DIP2C: variants seen among roughly 807,000 people sequenced by gnomAD.
DIP2C encodes the protein DIP2 acetate--CoA ligase C (putative).
DIP2C carries 33 observed loss-of-function variants against 192.4 expected under a neutral mutation model. The ratio of observed to expected loss-of-function variants is 0.17; its 90% CI spans 0.13 to 0.23. The LOEUF (loss-of-function observed/expected upper bound fraction) is 0.23. Among genes scored for constraint, DIP2C ranks in the 10% least tolerant of loss-of-function variants. DIP2C has a pLI of 1.00. For synonymous variants in DIP2C, 979 were observed against 864.1 expected, an observed-to-expected ratio of 1.13 and a Z score of -2.33; for missense variants, 1,537 against 2,110.1, an observed-to-expected ratio of 0.73 and a Z score of 5.32.
chr10:297,512 T>TC (rs1279716141), intron 32 of DIP2C, among the ~76,000 whole-genome samples: 1 of 152,166 alleles, frequency 6.6e-6, no homozygotes, highest in African/African-American at 2.4e-5. Context: ...TGAAATCCTG[T>TC]CATCTGCAGC....
chr10:631,368 C>G (rs1428296249), intron 1 of DIP2C: 1 of 152,264 alleles, frequency 6.6e-6, no homozygotes, highest in South Asian at 2.1e-4. Context: ...CTTCCGTCAG[C>G]CCCTGGGGGG....
intron 1 of DIP2C, among the ~76,000 whole-genome samples, chr10:528,757 A>G (rs1331390202): frequency 6.6e-6 from 1 of 152,122 alleles, no homozygotes; most frequent in Non-Finnish European, 1.5e-5. Context: ...GGAGCTTGCA[A>G]AGTACCACTG....
intron 31 of DIP2C, among the ~76,000 whole-genome samples, chr10:321,576 G>C (rs1033912561): frequency 9.6e-5 from 12 of 125,328 alleles, no homozygotes; most frequent in Admixed American, 3.3e-4. Flanking sequence ...GTCAGTCGGG[G>C]GTGCGGGGCT....
chr10:615,545 A>T (rs1853408620), intron 1 of DIP2C, among the ~76,000 whole-genome samples: 1 of 150,800 alleles, frequency 6.6e-6, no homozygotes, highest in Admixed American at 6.6e-5. Context: ...TTAGGGTCAG[A>T]GTCATCAAAT....
chr10:450,703 C>T (rs1294406314), intron 3 of DIP2C, among the ~76,000 whole-genome samples: 2 of 152,126 alleles, frequency 1.3e-5, no homozygotes, highest in African/African-American at 4.8e-5. Context: ...ACAGGCCAAC[C>T]AACAGCCTTG....
At chr10:603,298 C>CAAAAAAAAAAAAAAAAAAAAAAAA (rs71376842) in intron 1 of DIP2C, among the ~76,000 whole-genome samples, 2 of 45,880 alleles carry the variant, frequency 4.4e-5, no homozygotes, top group African/African-American at 2.5e-4. Context: ...GACTCCATCT[C>CAAAAAAAAAAAAAAAAAAAAAAAA]AAAAAAAAAA....
At chr10:604,929 AC>A (rs1852357038) in intron 1 of DIP2C, among the ~76,000 whole-genome samples, 1 of 152,178 alleles carries the variant, frequency 6.6e-6, no homozygotes, top group Non-Finnish European at 1.5e-5. Context: ...CTTCCCACAC[AC>A]CAGCCTCTGA....
At chr10:583,554 A>G (rs1407653242) in intron 1 of DIP2C, among the ~76,000 whole-genome samples, 1 of 152,236 alleles carries the variant, frequency 6.6e-6, no homozygotes, top group African/African-American at 2.4e-5. Flanking sequence ...CTGAAAGCAC[A>G]CAGGTCAGGG....
chr10:355,443 G>A (rs930640855), intron 24 of DIP2C, among the ~76,000 whole-genome samples: 7 of 152,170 alleles, frequency 4.6e-5, no homozygotes, highest in African/African-American at 7.2e-5. Context: ...CTGCTGCTTC[G>A]CACACTAAGA....
intron 1 of DIP2C, among the ~76,000 whole-genome samples, chr10:565,116 C>A (rs1465678757): frequency 6.6e-6 from 1 of 152,122 alleles, no homozygotes; most frequent in African/African-American, 2.4e-5. Context: ...GGTTAGGAAG[C>A]TTTCCATGGA....
intron 1 of DIP2C, among the ~76,000 whole-genome samples, chr10:545,720 C>A (rs1451012662): frequency 6.6e-6 from 1 of 152,344 alleles, no homozygotes; most frequent in East Asian, 1.9e-4. Flanking sequence ...AGTATCGACT[C>A]TTACACTGGA....
chr10:545,726 C>T (rs1383028146), intron 1 of DIP2C, among the ~76,000 whole-genome samples: 3 of 152,236 alleles, frequency 2.0e-5, no homozygotes, highest in African/African-American at 7.2e-5. Context: ...GACTCTTACA[C>T]TGGATCCATT....
intron 5 of DIP2C, among the ~76,000 whole-genome samples, chr10:420,186 C>T (rs1357264032): frequency 2.6e-5 from 4 of 152,336 alleles, no homozygotes; most frequent in Admixed American, 1.3e-4. Context: ...GCACCGTGCC[C>T]GGAGGCCGTC....
At chr10:641,327 G>C (rs1855185802) in intron 1 of DIP2C, among the ~76,000 whole-genome samples, 2 of 152,234 alleles carry the variant, frequency 1.3e-5, no homozygotes, top group South Asian at 4.2e-4. Context: ...ACCTCGGCTG[G>C]GTCACCAACC....
intron 1 of DIP2C, among the ~76,000 whole-genome samples, chr10:669,877 C>G (rs1857335630): frequency 6.6e-6 from 1 of 152,198 alleles, no homozygotes; most frequent in Non-Finnish European, 1.5e-5. Flanking sequence ...AATGTAAACA[C>G]ACAGTACAGA....
At chr10:414,740 T>TGTGTGTG (rs1564679970) in intron 7 of DIP2C, among the ~76,000 whole-genome samples, 17 of 44,618 alleles carry the variant, frequency 3.8e-4, no homozygotes, top group Non-Finnish European at 8.7e-4. Flanking sequence ...TGTGTGTGTG[T>TGTGTGTG]ACATATATAT....
rs150029893 is a variant in DIP2C, at chr10:421,950, G to T, written c.604+874C>A. Among the ~76,000 whole-genome samples the T allele has an allele frequency of 1.0e-3, 153 of 152,306 alleles. 1 individual carries two copies. Among genetic ancestry groups the T allele is most frequent in the African/African-American group, 3.4e-3 (141 of 41,548 alleles). On this transcript the variant is annotated intron_variant, in intron 5 of 36. Transcript: ENST00000280886. ...ATCCAAAACGCCTCTGAGCGTAAAG[G>T]AGTCAGTGATCTAGAAGTGAACATT...
At position 522,818 on chromosome 10, in the gene DIP2C, C is replaced by T. The variant is rs1238587792; in HGVS notation, c.86-36288G>A. Among the ~76,000 whole-genome samples, 5 of 152,252 alleles carry T rather than the reference C, an allele frequency of 3.3e-5. No individual in the cohort carries two copies. The East Asian group carries it at 9.6e-4, about 29-fold the overall frequency. ...CCTTTTGTAGATACGTTCTCCCCGT[C>T]TGCGTGGCCCACAAGCTCGTTTCTA... On this transcript the variant is annotated intron_variant, in intron 1 of 36. Transcript: ENST00000280886.
rs1955264623 is a variant in DIP2C, at chr10:288,353, A to T, written c.4044+11T>A. On this transcript the variant is annotated intron_variant, in intron 33 of 36. Transcript: ENST00000280886. ...GATACAGAAATGCGTGCCTCTTCCT[A>T]TAATACTTACCTTTCCCGATTCCAT... 2 of 1,613,408 alleles carry T rather than the reference A, an allele frequency of 1.2e-6. No individual in the cohort carries two copies. Among genetic ancestry groups the T allele is most frequent in the Non-Finnish European group, 1.7e-6 (2 of 1,179,412 alleles).
Sources: gnomAD v4.1 joint callset for allele counts (sites outside exome capture counted in the v4.1 genomes callset) on GRCh38, gnomAD v4.1.1 for gene constraint, MANE v1.5 for transcripts, NCBI Gene and HGNC (gene_info 2026-07-23, HGNC 2026-07-21) for gene names.